ALMS1: variants seen among roughly 807,000 people sequenced by gnomAD.
The protein encoded by ALMS1 is ALMS1 centrosome and basal body associated protein, also known as centrosome-associated protein ALMS1.
A neutral mutation model predicts 352.2 loss-of-function variants in ALMS1; 271 were observed. The ratio of observed to expected loss-of-function variants is 0.77; its 90% confidence interval spans 0.70 to 0.85. The LOEUF (loss-of-function observed/expected upper bound fraction) is 0.85, where lower values mean the gene tolerates loss of function less well. ALMS1 is among the 40% of genes least tolerant of loss of function. ALMS1 has a pLI of 0.00. For missense variants in ALMS1, 5,445 were observed against 4,870.7 expected, an observed-to-expected ratio of 1.12 and a Z score of -3.51; for synonymous variants, 1,865 against 1,761.2, an observed-to-expected ratio of 1.06 and a Z score of -1.48.
In ALMS1 at chr2:73,609,573, G is replaced by A; in HGVS notation, c.12468G>A (p.Val4156=). The A allele has an allele frequency of 6.2e-7, 1 of 1,614,078 alleles. No individual in the cohort carries two copies. Among genetic ancestry groups the A allele is most frequent in the South Asian group, 1.1e-5 (1 of 91,048 alleles). The part of the protein sequence containing the change: ...RLRAQLYKKR[V]TNQLLGRKVP... The stretch of plus-strand genomic sequence containing the variant: ...GCCTTTCTTTTCTTCTACAGAGAGT[G>A]ACCAATCAACTTCTGGGGAGAAAAG... Residue 4156 remains valine, a synonymous_variant, in exon 23 of 23, where the codon GTG becomes GTA. Coordinates refer to ENST00000613296, the MANE Select transcript of ALMS1 (RefSeq NM_001378454.1).
chr2:73,550,902 T>G (rs1312219157), intron 13 of ALMS1, among the ~76,000 whole-genome samples: 2 of 152,082 alleles, frequency 1.3e-5, no homozygotes, highest in Non-Finnish European at 2.9e-5. Context: ...AGTGCAGTGA[T>G]GCAATTATAG....
At chr2:73,522,146 C>G (rs1673694034) in intron 11 of ALMS1, among the ~76,000 whole-genome samples, 1 of 152,154 alleles carries the variant, frequency 6.6e-6, no homozygotes. Context: ...AAACAAAGTT[C>G]TTGAGAACTT....
chr2:73,396,855 G>A (rs1398702510), intron 1 of ALMS1, among the ~76,000 whole-genome samples: 1 of 151,830 alleles, frequency 6.6e-6, no homozygotes, highest in Non-Finnish European at 1.5e-5. Flanking sequence ...CGTGTTAGAC[G>A]GGATGGTCTC....
rs1215015585 is a variant in ALMS1 at position 73,573,277 on chromosome 2, C to T, written c.11400C>T (p.Cys3800=). 11 of 1,613,928 alleles carry T rather than the reference C, an allele frequency of 6.8e-6. No homozygotes were observed. Among genetic ancestry groups the T allele is most frequent in the Non-Finnish European group, 9.3e-6 (11 of 1,179,970 alleles). Residue 3800 remains cysteine, a synonymous_variant, in exon 16 of 23, where the codon TGC becomes TGT. Transcript: ENST00000613296. ...AAGCTTTTGGCCATGAAAGAGTATG[C>T]TTGTCACCCAGACGAATTAAATTAT... The part of the protein sequence containing the change: ...LIQAFGHERV[C]LSPRRIKLYS...
At position 73,453,967 on chromosome 2, in the gene ALMS1, T is replaced by A; in HGVS notation, c.7440T>A (p.Ala2480=). 6.2e-7 allele frequency: 1 copy of A among 1,613,906 alleles called. No homozygotes were observed. The highest frequency in any genetic ancestry group is 8.5e-7 in the Non-Finnish European group (1 of 1,179,970). The part of the protein sequence containing the change: ...DGGGSSVDSL[A]AHVKNLLQCE... ...GTGGTAGCAGTGTAGATTCACTGGC[T>A]GCACATGTGAAAAACCTTCTGCAAT... Residue 2480 remains alanine, a synonymous_variant, in exon 8 of 23, where the codon GCT becomes GCA. Coordinates refer to ENST00000613296, the MANE Select transcript of ALMS1 (RefSeq NM_001378454.1).
In ALMS1 at chr2:73,449,775, C is replaced by A; in HGVS notation, c.3248C>A (p.Ala1083Asp). The A allele has an allele frequency of 6.2e-7, 1 of 1,614,072 alleles. No individual in the cohort carries two copies. The highest frequency in any genetic ancestry group is 8.5e-7 in the Non-Finnish European group (1 of 1,179,962). Residue 1083 changes from alanine (A) to aspartate (D), a missense_variant, in exon 8 of 23, where the codon GCT becomes GAT. Ala to Asp is a moderately radical substitution (Grantham distance 126). Transcript: ENST00000613296. ...AAAGTTTCAGCCTTCCCTGGACCAGCTGACCAGATGACTGACACACCAGCA... is the reference window on the plus strand; with the variant it reads ...AAAGTTTCAGCCTTCCCTGGACCAGATGACCAGATGACTGACACACCAGCA... ...SLKVSAFPGP[A>D]DQMTDTPAVP...
intron 9 of ALMS1, chr2:73,458,502 G>T (rs1008734890): frequency 6.6e-6 from 1 of 152,184 alleles, no homozygotes; most frequent in African/African-American, 2.4e-5. Flanking sequence ...TTACATTAAG[G>T]AAGAGTATAT....
intron 9 of ALMS1, among the ~76,000 whole-genome samples, chr2:73,466,058 C>T (rs892300508): frequency 1.2e-4 from 19 of 152,282 alleles, no homozygotes; most frequent in African/African-American, 4.3e-4. Flanking sequence ...AGTTCAACCA[C>T]TGTGGAAGTC....
At chr2:73,456,975 T>G (rs1672079083) in intron 9 of ALMS1, 1 of 152,166 alleles carries the variant, frequency 6.6e-6, no homozygotes, top group African/African-American at 2.4e-5. Context: ...TTTCTTAAAA[T>G]AAGGTGTCCT....
At chr2:73,537,194 C>G (rs185300966) in intron 12 of ALMS1, among the ~76,000 whole-genome samples, 13 of 152,124 alleles carry the variant, frequency 8.5e-5, no homozygotes, top group Non-Finnish European at 1.8e-4. Context: ...ATCATAATGG[C>G]TGAGGTGTGG....
chr2:73,551,745 T>A (rs1316448288), intron 13 of ALMS1, among the ~76,000 whole-genome samples: 1 of 152,042 alleles, frequency 6.6e-6, no homozygotes, highest in Non-Finnish European at 1.5e-5. Flanking sequence ...CCCCACTGTT[T>A]TATAAAAGCT....
At chr2:73,439,059 C>G (rs759999179) in intron 7 of ALMS1, among the ~76,000 whole-genome samples, 4 of 148,962 alleles carry the variant, frequency 2.7e-5, no homozygotes, top group African/African-American at 9.9e-5. Context: ...TCCTCCTGCT[C>G]CTCCTCTTTC....
chr2:73,527,271 T>A (rs1297802375), intron 11 of ALMS1, among the ~76,000 whole-genome samples: 1 of 151,496 alleles, frequency 6.6e-6, no homozygotes, highest in African/African-American at 2.4e-5. Flanking sequence ...GTGTCTTTGG[T>A]TTACTGGTCT....
intron 10 of ALMS1, among the ~76,000 whole-genome samples, chr2:73,515,505 G>T (rs943706119): frequency 1.3e-5 from 2 of 151,872 alleles, no homozygotes; most frequent in African/African-American, 4.8e-5. Context: ...GAGATTGAGG[G>T]TATTTGCATC....
intron 16 of ALMS1, among the ~76,000 whole-genome samples, chr2:73,589,658 A>G (rs1408058619): frequency 6.6e-6 from 1 of 152,216 alleles, no homozygotes; most frequent in East Asian, 1.9e-4. Context: ...AAGTCTGCCT[A>G]CATTGCTGTA....
intron 9 of ALMS1, among the ~76,000 whole-genome samples, chr2:73,479,962 A>G (rs1672660860): frequency 6.6e-6 from 1 of 151,950 alleles, no homozygotes; most frequent in African/African-American, 2.4e-5. Context: ...GTATTTCCCT[A>G]ATGGTTTTTG....
At chr2:73,391,764 A>C (rs915146750) in intron 1 of ALMS1, among the ~76,000 whole-genome samples, 1 of 152,206 alleles carries the variant, frequency 6.6e-6, no homozygotes, top group African/African-American at 2.4e-5. Context: ...AGTATTTATC[A>C]AACTTGACAT....
intron 10 of ALMS1, among the ~76,000 whole-genome samples, 154 bp from the exon 11 acceptor site, chr2:73,519,621 G>A (rs545972749): frequency 1.9e-4 from 29 of 152,280 alleles, no homozygotes; most frequent in African/African-American, 7.0e-4. Flanking sequence ...AAAGGGTACT[G>A]CTGAAATTTT....
At chr2:73,415,527 G>A (rs1338708708) in intron 2 of ALMS1, among the ~76,000 whole-genome samples, 15 of 150,644 alleles carry the variant, frequency 1.0e-4, no homozygotes, top group Non-Finnish European at 2.2e-4. Context: ...GGTGGTTGAA[G>A]ACAAGGGAGT....
Sources: gnomAD v4.1 joint callset for allele counts (sites outside exome capture counted in the v4.1 genomes callset) on GRCh38, gnomAD v4.1.1 for gene constraint, MANE v1.5 for transcripts, NCBI Gene and HGNC (gene_info 2026-07-23, HGNC 2026-07-21) for gene names.